The following ANAPC10 variants were observed in gnomAD, a reference collection of about 807,000 sequenced individuals.
The protein encoded by ANAPC10 is anaphase-promoting complex subunit 10.
Under a neutral mutation model 22.0 loss-of-function variants are expected in ANAPC10, and 12 were observed. That is an observed-to-expected ratio of 0.55 (90% confidence interval 0.35 to 0.88). ANAPC10 has a LOEUF of 0.88. Among genes scored for constraint, ANAPC10 ranks in the 40% least tolerant of loss-of-function variants. ANAPC10 has a pLI of 0.01. For synonymous variants in ANAPC10, 65 were observed against 69.5 expected (o/e 0.94, Z 0.32); for missense variants, 188 against 220.9 (o/e 0.85, Z 0.94).
intron 2 of ANAPC10, among the ~76,000 whole-genome samples, chr4:145,083,390 A>C (rs1746380160): frequency 1.3e-5 from 2 of 152,176 alleles, no homozygotes. Context: ...ACAATACTGC[A>C]ATAAACACCT....
chr4:145,070,723 A>G (rs1215434170), intron 3 of ANAPC10, among the ~76,000 whole-genome samples: 1 of 152,252 alleles, frequency 6.6e-6, no homozygotes, highest in Non-Finnish European at 1.5e-5. Context: ...TATTTACAAC[A>G]GCCGAAAGGT....
intron 4 of ANAPC10, among the ~76,000 whole-genome samples, chr4:145,014,368 C>A (rs561052035): frequency 6.6e-6 from 1 of 152,014 alleles, no homozygotes; most frequent in Admixed American, 6.5e-5. Flanking sequence ...AGCCATAATT[C>A]TCCTAAGTAC....
At chr4:145,066,755 T>C (rs1252027436) in intron 3 of ANAPC10, among the ~76,000 whole-genome samples, 1 of 132,422 alleles carries the variant, frequency 7.6e-6, no homozygotes, top group East Asian at 2.2e-4. Flanking sequence ...ATAGGAACTT[T>C]TATTTCTTCA....
At chr4:145,097,210 CA>C (rs531431107) in intron 1 of ANAPC10, 242 of 329,870 alleles carry the variant, frequency 7.3e-4, no homozygotes, top group African/African-American at 4.9e-3. Flanking sequence ...CCAAAAAGCA[CA>C]AAAATAAGAA....
chr4:145,073,805 A>C (rs1234143480), intron 3 of ANAPC10, among the ~76,000 whole-genome samples: 1 of 152,090 alleles, frequency 6.6e-6, no homozygotes, highest in African/African-American at 2.4e-5. Flanking sequence ...CGACACAGAA[A>C]TCATTTTAAT....
chr4:145,015,035 C>T lies in ANAPC10; in HGVS notation c.328-19432G>A, dbSNP rs951345595. Among the ~76,000 whole-genome samples the T allele has an allele frequency of 4.6e-5, 7 of 152,126 alleles. No homozygotes were observed. In the South Asian group the frequency reaches 1.5e-3, roughly 32 times the overall value. ...AATATGACAAAACAAGGCTCCTTAA[C>T]ACCCCCCAAAAAATCATATTGGCTC... is the stretch of plus-strand genomic sequence containing the variant. On this transcript the variant is annotated intron_variant, in intron 4 of 4. Coordinates refer to ENST00000507656, the MANE Select transcript of ANAPC10 (RefSeq NM_001256706.2).
intron 4 of ANAPC10, among the ~76,000 whole-genome samples, chr4:145,054,636 TGTGTGCGCGCGCGCGCGCGTGCGTGC>T (rs1741716421): frequency 9.9e-6 from 1 of 100,760 alleles, no homozygotes; most frequent in African/African-American, 4.5e-5. Context: ...TGTGTGTGTG[TGTGTGCGCGCGCGCGCGCGTGCGTGC>T]AGCGCATGTG....
At chr4:145,025,968 G>C (rs889056564) in intron 4 of ANAPC10, among the ~76,000 whole-genome samples, 7 of 151,960 alleles carry the variant, frequency 4.6e-5, no homozygotes, top group South Asian at 4.1e-4. Context: ...GATTAAAGAG[G>C]GTCTAGATTC....
chr4:145,055,021 AG>A (rs1741841661), intron 4 of ANAPC10, among the ~76,000 whole-genome samples: 5 of 152,216 alleles, frequency 3.3e-5, no homozygotes. Flanking sequence ...GTTTCTTCTG[AG>A]TTAAATTTCT....
chr4:145,046,592 A>G (rs1560871566), intron 4 of ANAPC10, among the ~76,000 whole-genome samples: 1 of 152,080 alleles, frequency 6.6e-6, no homozygotes, highest in African/African-American at 2.4e-5. Context: ...AAATTGCTAA[A>G]TTCTTGCTTT....
intron 4 of ANAPC10, among the ~76,000 whole-genome samples, chr4:145,037,035 T>C (rs1454006118): frequency 1.6e-5 from 2 of 124,556 alleles, no homozygotes; most frequent in Non-Finnish European, 3.5e-5. Context: ...TGTGTGTGTG[T>C]GTGTATGTGT....
rs116111338 is a variant in ANAPC10, at chr4:145,047,246, G to C, written c.327+17326C>G. ...AGCAGCATGTGGCAAAGACAATCTA[G>C]AAACATGTTCCTTTATTTGGCTTAG... is the stretch of plus-strand genomic sequence containing the variant. On this transcript the variant is annotated intron_variant, in intron 4 of 4. Coordinates refer to ENST00000507656, the MANE Select transcript of ANAPC10 (RefSeq NM_001256706.2). 2.3e-3 allele frequency among the ~76,000 whole-genome samples: 351 copies of C among 152,198 alleles called. 3 individuals carry two copies. Among genetic ancestry groups the C allele is most frequent in the African/African-American group, 7.7e-3 (319 of 41,540 alleles).
chr4:145,023,282 C>T (rs1736218976), intron 4 of ANAPC10, among the ~76,000 whole-genome samples: 1 of 152,186 alleles, frequency 6.6e-6, no homozygotes, highest in Non-Finnish European at 1.5e-5. Context: ...ATCCTAGAGT[C>T]AGAATAACCG....
intron 4 of ANAPC10, among the ~76,000 whole-genome samples, chr4:145,062,891 T>C (rs1352104117): frequency 6.6e-6 from 1 of 152,172 alleles, no homozygotes; most frequent in East Asian, 1.9e-4. Flanking sequence ...GAGAACACTA[T>C]TGTTAAATGA....
At chr4:145,092,835 C>T (rs1221608970) in intron 2 of ANAPC10, among the ~76,000 whole-genome samples, 1 of 152,158 alleles carries the variant, frequency 6.6e-6, no homozygotes, top group Non-Finnish European at 1.5e-5. Context: ...GACCCCAGGA[C>T]ACAAATACAA....
At chr4:145,096,250 T>A in intron 1 of ANAPC10, 139 bp from the exon 2 acceptor site, 1 of 913,036 alleles carries the variant, frequency 1.1e-6, no homozygotes, top group Non-Finnish European at 1.6e-6. Flanking sequence ...TTAATATAAT[T>A]AAATCACTGT....
At chr4:145,091,226 T>C (rs1466799196) in intron 2 of ANAPC10, among the ~76,000 whole-genome samples, 1 of 152,184 alleles carries the variant, frequency 6.6e-6, no homozygotes, top group Non-Finnish European at 1.5e-5. Context: ...AGTGGGGCAT[T>C]TTCAGGAAAC....
chr4:145,039,491 A>C (rs1056307616), intron 4 of ANAPC10, among the ~76,000 whole-genome samples: 1 of 152,232 alleles, frequency 6.6e-6, no homozygotes, highest in Non-Finnish European at 1.5e-5. Flanking sequence ...GATAATAATA[A>C]ATAACAATAA....
intron 4 of ANAPC10, among the ~76,000 whole-genome samples, chr4:145,024,658 T>C (rs1176405009): frequency 6.6e-6 from 1 of 152,226 alleles, no homozygotes; most frequent in East Asian, 1.9e-4. Flanking sequence ...TTTCAACAGA[T>C]GTACTCTCAT....
Sources: gnomAD v4.1 joint callset for allele counts (sites outside exome capture counted in the v4.1 genomes callset) on GRCh38, gnomAD v4.1.1 for gene constraint, MANE v1.5 for transcripts, NCBI Gene and HGNC (gene_info 2026-07-23, HGNC 2026-07-21) for gene names.